Variants in CACNA1A observed in about 807,000 individuals in gnomAD.
CACNA1A encodes the protein calcium voltage-gated channel subunit alpha1 A.
Under a neutral mutation model 262.4 loss-of-function variants are expected in CACNA1A, and 57 were observed. The ratio of observed to expected loss-of-function variants is 0.22; its 90% CI spans 0.18 to 0.27. The LOEUF (loss-of-function observed/expected upper bound fraction) is 0.27, where lower values mean the gene tolerates loss of function less well. Ranked by LOEUF, CACNA1A falls within the 10% of genes least tolerant of loss-of-function variation. CACNA1A has a pLI of 1.00. For missense variants in CACNA1A, 2,526 were observed against 3,562.8 expected (o/e 0.71, Z 7.41); for synonymous variants, 1,431 against 1,419.3 (o/e 1.01, Z -0.18).
In CACNA1A at chr19:13,212,280, C is replaced by T. The variant is rs546506412; in HGVS notation, c.6190-64G>A. ...CTGACCTCCAGATCCCTGGTGTCTG[C>T]AGAGGGAGGGAGCTGCAGGTGTGTG... is the stretch of plus-strand genomic sequence containing the variant. On this transcript the variant is annotated intron_variant, in intron 42 of 46. Coordinates refer to ENST00000360228, the MANE Select transcript of CACNA1A (RefSeq NM_001127222.2). This position sits in a 1 kb window ranked among gnomAD's most constrained non-coding sequence, Gnocchi z 5.6. 148 of 1,576,206 alleles carry T rather than the reference C, an allele frequency of 9.4e-5. 1 individual carries two copies. In the South Asian group the frequency reaches 1.3e-3, roughly 14 times the overall value.
chr19:13,262,852 G>A lies in CACNA1A; in HGVS notation c.3990-19C>T. 6.4e-7 allele frequency: 1 copy of A among 1,554,150 alleles called. No individual in the cohort carries two copies. Among genetic ancestry groups the A allele is most frequent in the Non-Finnish European group, 8.9e-7 (1 of 1,128,850 alleles). On this transcript the variant is annotated intron_variant, in intron 24 of 46. Transcript: ENST00000360228. Reference sequence around the variant, plus strand: ...ATTGCCACTGTGGAGGAATGTTTAGGTGGGAAGAAGGGAAGAGAGGAAGCA... The same window carrying A: ...ATTGCCACTGTGGAGGAATGTTTAGATGGGAAGAAGGGAAGAGAGGAAGCA...
At chr19:13,324,318 TATTGC>T (rs113339444) in intron 10 of CACNA1A, among the ~76,000 whole-genome samples, 19,579 of 151,948 alleles carry the variant, frequency 0.13, 2,321 homozygotes, top group African/African-American at 0.32. Context: ...TTTAGTGATC[TATTGC>T]ATTGCATTGC....
At chr19:13,337,665 C>A (rs2058599608) in intron 6 of CACNA1A, among the ~76,000 whole-genome samples, 2 of 151,516 alleles carry the variant, frequency 1.3e-5, no homozygotes, top group African/African-American at 4.9e-5. Flanking sequence ...ACACATGGTA[C>A]AACTACTTGA....
At chr19:13,336,594 G>GGAGGGAGAGAGAGAGAGA (rs1555768095) in intron 6 of CACNA1A, among the ~76,000 whole-genome samples, 5 of 65,508 alleles carry the variant, frequency 7.6e-5, no homozygotes, top group African/African-American at 2.0e-4. Flanking sequence ...AGAGAGAGAG[G>GGAGGGAGAGAGAGAGAGA]GAGAGAGAGA....
intron 3 of CACNA1A, among the ~76,000 whole-genome samples, chr19:13,413,939 G>GAAAGAA (rs1568622049): frequency 1.4e-5 from 2 of 141,856 alleles, no homozygotes; most frequent in African/African-American, 5.1e-5. Context: ...AAGAAAGAAA[G>GAAAGAA]AAAGAAAAGG....
At position 13,313,312 on chromosome 19, in the gene CACNA1A, G is replaced by A. The variant is rs973624791; in HGVS notation, c.1556-531C>T. On this transcript the variant is annotated intron_variant, in intron 11 of 46. Transcript: ENST00000360228. The stretch of plus-strand genomic sequence containing the variant: ...AGGTCAGGAGTTTGAGACCAGCCTG[G>A]CTAACATGGCAAACCCCGCCTCTAC... Among the ~76,000 whole-genome samples, 3 of 151,842 alleles carry A rather than the reference G, an allele frequency of 2.0e-5. No homozygotes were observed. In the East Asian group the frequency reaches 5.8e-4, roughly 29 times the overall value.
At chr19:13,365,199 C>A (rs989823012) in intron 5 of CACNA1A, 118 bp downstream of exon 5, 1 of 862,958 alleles carries the variant, frequency 1.2e-6, no homozygotes, top group African/African-American at 1.7e-5. Flanking sequence ...GTAGTGCTCT[C>A]TGAAGGAGAC....
chr19:13,412,827 A>T (rs528856719), intron 3 of CACNA1A, among the ~76,000 whole-genome samples: 2 of 152,302 alleles, frequency 1.3e-5, no homozygotes, highest in Admixed American at 1.3e-4. Context: ...TTAAAAAATA[A>T]CATTTGTTTG....
intron 3 of CACNA1A, among the ~76,000 whole-genome samples, chr19:13,441,305 A>G (rs2060714110): frequency 6.6e-6 from 1 of 152,126 alleles, no homozygotes; most frequent in African/African-American, 2.4e-5. Flanking sequence ...CCTCATTTAG[A>G]GATGCCTGCA....
intron 12 of CACNA1A, among the ~76,000 whole-genome samples, chr19:13,312,129 C>T (rs1240378410): frequency 6.6e-6 from 1 of 152,278 alleles, no homozygotes; most frequent in African/African-American, 2.4e-5. Flanking sequence ...GATTATTCTC[C>T]AGGACTTAGG....
chr19:13,487,693 C>T (rs1357881500), intron 1 of CACNA1A, among the ~76,000 whole-genome samples: 1 of 151,346 alleles, frequency 6.6e-6, no homozygotes, highest in Non-Finnish European at 1.5e-5. Flanking sequence ...AAAAATCCCA[C>T]ACCCAAACCC....
intron 6 of CACNA1A, among the ~76,000 whole-genome samples, chr19:13,356,619 G>A (rs968075604): frequency 1.3e-5 from 2 of 152,108 alleles, no homozygotes; most frequent in Admixed American, 1.3e-4. Context: ...ACCCCCAGAC[G>A]CTTTCTCTGG....
intron 37 of CACNA1A, 190 bp from the exon 38 acceptor site, chr19:13,224,962 G>C (rs946005333): frequency 3.2e-4 from 174 of 549,424 alleles, no homozygotes; most frequent in Middle Eastern, 9.9e-4. Context: ...GGGCACAAAA[G>C]GCTCTCTTGT....
intron 6 of CACNA1A, among the ~76,000 whole-genome samples, chr19:13,350,033 G>A (rs909043726): frequency 2.6e-5 from 4 of 152,220 alleles, no homozygotes; most frequent in African/African-American, 9.6e-5. Context: ...GGTTTGTTTT[G>A]TAGCAGTTAG....
chr19:13,245,109 C>T lies in CACNA1A; in HGVS notation c.4950+73G>A, dbSNP rs2056191559. On this transcript the variant is annotated intron_variant, in intron 31 of 46. Coordinates refer to ENST00000360228, the MANE Select transcript of CACNA1A (RefSeq NM_001127222.2). ...CTTCCGGGACACACTGCCTCTGGGACCGCTCCCCCGCCCCCTGCCGCCTGC... is the reference window on the plus strand; with the variant it reads ...CTTCCGGGACACACTGCCTCTGGGATCGCTCCCCCGCCCCCTGCCGCCTGC... 5.1e-6 allele frequency: 6 copies of T among 1,177,140 alleles called. No individual in the cohort carries two copies. The Admixed American group carries it at 6.8e-5, about 13-fold the overall frequency. The allele number at this position is 1,177,140 out of a possible 1,614,324, so 72.9% of individuals were successfully genotyped here.
At chr19:13,319,142 G>T (rs143262904) in intron 10 of CACNA1A, among the ~76,000 whole-genome samples, 6,130 of 152,150 alleles carry the variant, frequency 0.04, 169 homozygotes, top group Non-Finnish European at 0.053. Context: ...CGATCCTCCC[G>T]CCTCAGCGTC....
intron 5 of CACNA1A, chr19:13,362,389 G>C (rs1050698755): frequency 6.6e-6 from 1 of 152,128 alleles, no homozygotes; most frequent in Admixed American, 6.6e-5. Flanking sequence ...ATTTTTAGTA[G>C]AGACGGGGTT....
intron 38 of CACNA1A, among the ~76,000 whole-genome samples, chr19:13,215,413 G>A (rs2054972745): frequency 6.8e-6 from 1 of 148,030 alleles, no homozygotes; most frequent in East Asian, 2.0e-4. Context: ...TCTGCCTCCT[G>A]GGTTCAAGCG....
At chr19:13,231,140 A>C (rs2055652876) in intron 35 of CACNA1A, among the ~76,000 whole-genome samples, 1 of 151,010 alleles carries the variant, frequency 6.6e-6, no homozygotes, top group South Asian at 2.1e-4. Context: ...AGTAGCTGGG[A>C]CTGCAGGTGC....
Sources: allele counts gnomAD v4.1 joint callset (sites outside exome capture counted in the v4.1 genomes callset), GRCh38; gene constraint gnomAD v4.1.1; non-coding constraint Gnocchi (gnomAD v3.1); transcripts MANE v1.5; gene names NCBI Gene and HGNC (gene_info 2026-07-23, HGNC 2026-07-21).